Variants in TM9SF3 observed in about 807,000 individuals in gnomAD.
TM9SF3 encodes SM-11044-binding protein.
In TM9SF3, 14 loss-of-function variants were observed where a neutral mutation model predicts 78.6. The ratio of observed to expected loss-of-function variants is 0.18; its 90% CI spans 0.12 to 0.28. The LOEUF (loss-of-function observed/expected upper bound fraction) is 0.28, where lower values mean the gene tolerates loss of function less well. TM9SF3 is among the 10% of genes least tolerant of loss of function. TM9SF3 has a pLI of 1.00. For synonymous variants in TM9SF3, 231 were observed against 241.7 expected, an observed-to-expected ratio of 0.96 and a Z score of 0.41; for missense variants, 496 against 721.9, an observed-to-expected ratio of 0.69 and a Z score of 3.59.
intron 5 of TM9SF3, among the ~76,000 whole-genome samples, chr10:96,554,598 T>C (rs1848212795): frequency 6.6e-6 from 1 of 152,198 alleles, no homozygotes; most frequent in Non-Finnish European, 1.5e-5. Flanking sequence ...CTTAGTACTC[T>C]GCTGTGACTT....
intron 11 of TM9SF3, among the ~76,000 whole-genome samples, chr10:96,529,654 A>G (rs1265302781): frequency 1.3e-5 from 2 of 152,132 alleles, no homozygotes; most frequent in African/African-American, 4.8e-5. Context: ...ATTTAAAAAA[A>G]AAAAAATCAG....
intron 7 of TM9SF3, among the ~76,000 whole-genome samples, chr10:96,548,824 A>G (rs985882535): frequency 6.6e-6 from 1 of 151,970 alleles, no homozygotes; most frequent in African/African-American, 2.4e-5. Flanking sequence ...AAAAAAGTAA[A>G]AATGTAAAAA....
Position 96,530,309 on chromosome 10 carries a change from C to A in TM9SF3, c.1394+231G>T, listed in dbSNP as rs145981099. On this transcript the variant is annotated intron_variant, in intron 11 of 14. Coordinates refer to ENST00000371142, the MANE Select transcript of TM9SF3 (RefSeq NM_020123.4). ...CACATAGTTTTGATTTCTAAGATTT[C>A]CTCTTAGGTGAGGGAGGTCTAGAAT... is the stretch of plus-strand genomic sequence containing the variant. 4.8e-4 allele frequency among the ~76,000 whole-genome samples: 73 copies of A among 152,264 alleles called. No individual in the cohort carries two copies. The East Asian group carries it at 0.013, about 28-fold the overall frequency.
chr10:96,520,581 T>C lies in TM9SF3; in HGVS notation c.*1682A>G. On this transcript the variant is annotated 3_prime_UTR_variant, in exon 15 of 15. Coordinates refer to ENST00000371142, the MANE Select transcript of TM9SF3 (RefSeq NM_020123.4). ...CAATATAAAGTATTGTTTTAGGTGG[T>C]CATTTGCATAGCAAACTATTAAACT... 2 of 298,108 alleles carry C rather than the reference T, an allele frequency of 6.7e-6. No individual in the cohort carries two copies. Among genetic ancestry groups the C allele is most frequent in the Non-Finnish European group, 1.2e-5 (2 of 164,510 alleles). 18.5% of individuals were successfully genotyped at this position (298,108 alleles called of 1,614,324 possible).
chr10:96,567,106 C>T (rs761597740), intron 2 of TM9SF3, among the ~76,000 whole-genome samples: 8 of 89,428 alleles, frequency 8.9e-5, no homozygotes, highest in Middle Eastern at 0.011. Context: ...TTTTTTGAGA[C>T]GGAGTTTCAC....
intron 5 of TM9SF3, 136 bp from the exon 6 acceptor site, chr10:96,553,195 T>G (rs1329092260): frequency 5.8e-6 from 5 of 864,848 alleles, no homozygotes; most frequent in Non-Finnish European, 8.1e-6. Context: ...AAAATCCAAA[T>G]TTCAGACACT....
chr10:96,562,243 G>A (rs1383351770), intron 3 of TM9SF3, 105 bp from the exon 4 acceptor site: 23 of 754,510 alleles, frequency 3.0e-5, no homozygotes, highest in Middle Eastern at 4.1e-4. Flanking sequence ...TTTTACCTCC[G>A]CCCTCTCTCC....
intron 2 of TM9SF3, among the ~76,000 whole-genome samples, chr10:96,567,019 C>T (rs1848381400): frequency 1.3e-5 from 2 of 149,636 alleles, no homozygotes; most frequent in Admixed American, 1.3e-4. Context: ...TGGTCATTAA[C>T]AATATGGTAG....
chr10:96,532,988 C>G (rs1033115663), intron 10 of TM9SF3, 63 bp downstream of exon 10: 1 of 1,582,368 alleles, frequency 6.3e-7, no homozygotes, highest in African/African-American at 1.4e-5. Context: ...TACATGTACA[C>G]AACAGCCTTA....
intron 8 of TM9SF3, among the ~76,000 whole-genome samples, chr10:96,547,334 C>T (rs1224893746): frequency 6.6e-6 from 1 of 152,212 alleles, no homozygotes; most frequent in African/African-American, 2.4e-5. Context: ...AGCCAGGCAC[C>T]TCAAAGCAAA....
intron 9 of TM9SF3, among the ~76,000 whole-genome samples, chr10:96,543,344 C>CTTTCTTTTT (rs1554945677): frequency 7.3e-6 from 1 of 136,894 alleles, no homozygotes; most frequent in Non-Finnish European, 1.5e-5. Context: ...TAGTGAGATT[C>CTTTCTTTTT]TTTTTTTTGA....
intron 10 of TM9SF3, 34 bp downstream of exon 10, chr10:96,533,017 G>C: frequency 6.2e-7 from 1 of 1,611,962 alleles, no homozygotes; most frequent in Non-Finnish European, 8.5e-7. Flanking sequence ...TATATTGTGT[G>C]AAACAATCGC....
At chr10:96,576,882 A>C in intron 1 of TM9SF3, 53 bp from the exon 2 acceptor site, 2 of 1,378,100 alleles carry the variant, frequency 1.5e-6, no homozygotes, top group Non-Finnish European at 1.9e-6. Context: ...ACTAATTCAA[A>C]TTAAGGGAAT....
intron 9 of TM9SF3, among the ~76,000 whole-genome samples, chr10:96,539,767 C>T (rs760309174): frequency 3.2e-4 from 48 of 152,064 alleles, no homozygotes; most frequent in Admixed American, 2.0e-3. Flanking sequence ...ATAACCACTG[C>T]TCTCAGAATT....
At chr10:96,549,582 A>G (rs968230515) in intron 7 of TM9SF3, among the ~76,000 whole-genome samples, 2 of 152,152 alleles carry the variant, frequency 1.3e-5, no homozygotes, top group Non-Finnish European at 1.5e-5. Context: ...TGAAACACCT[A>G]AAGTGAAATC....
chr10:96,544,795 C>A (rs959281552), intron 8 of TM9SF3, among the ~76,000 whole-genome samples: 2 of 151,824 alleles, frequency 1.3e-5, no homozygotes, highest in African/African-American at 2.4e-5. Flanking sequence ...AAGAAACCCA[C>A]TTGTGATTTT....
intron 5 of TM9SF3, among the ~76,000 whole-genome samples, chr10:96,553,769 T>G (rs1848202703): frequency 6.6e-6 from 1 of 152,228 alleles, no homozygotes; most frequent in South Asian, 2.1e-4. Flanking sequence ...GGCTTTGATT[T>G]TATCCACATA....
chr10:96,585,061 C>G (rs1848613593), intron 1 of TM9SF3, among the ~76,000 whole-genome samples: 1 of 152,162 alleles, frequency 6.6e-6, no homozygotes, highest in Admixed American at 6.5e-5. Flanking sequence ...GTAAATTATT[C>G]TAAAGCCTTT....
chr10:96,531,461 C>G (rs1847893053), intron 10 of TM9SF3, among the ~76,000 whole-genome samples: 1 of 152,056 alleles, frequency 6.6e-6, no homozygotes, highest in Non-Finnish European at 1.5e-5. Context: ...TTTCCAGTGC[C>G]TAGCACAATA....
Sources: allele counts gnomAD v4.1 joint callset (sites outside exome capture counted in the v4.1 genomes callset), GRCh38; gene constraint gnomAD v4.1.1; transcripts MANE v1.5; gene names NCBI Gene and HGNC (gene_info 2026-07-23, HGNC 2026-07-21).